Variants in MIB1 observed in about 807,000 individuals in gnomAD.
MIB1 encodes MIB E3 ubiquitin protein ligase 1.
MIB1 carries 278 observed loss-of-function variants against 124.5 expected under a neutral mutation model. The ratio of observed to expected loss-of-function variants is 2.23; its 90% CI spans 2.02 to 2.47. The LOEUF (loss-of-function observed/expected upper bound fraction) is 2.47. Among genes scored for constraint, MIB1 ranks in the 30% most tolerant of loss-of-function variants. MIB1 has a pLI of 0.00. For synonymous variants in MIB1, 446 were observed against 429.4 expected (o/e 1.04, Z -0.48); for missense variants, 957 against 1,254.4 (o/e 0.76, Z 3.58).
intron 1 of MIB1, among the ~76,000 whole-genome samples, chr18:21,732,052 G>A (rs922869507): frequency 5.9e-5 from 9 of 151,720 alleles, no homozygotes; most frequent in Non-Finnish European, 7.4e-5. Flanking sequence ...GGTGGCAGGC[G>A]CGGTGGCTCA....
chr18:21,864,553 CTGAA>C lies in MIB1; in HGVS notation c.2909_2912del (p.Leu970ArgfsTer3). ...AATGTGCCCTGTGTGTCTAGATCGT[CTGAA>C]GAATATGATTTTCCTTTGTGGTCAC... On this transcript the variant is annotated frameshift_variant, in exon 21 of 21. Transcript: ENST00000261537. LOFTEE classifies it high-confidence loss of function. 1 of 1,613,420 alleles carries C rather than the reference CTGAA, an allele frequency of 6.2e-7. No individual in the cohort carries two copies. Among genetic ancestry groups the C allele is most frequent in the Non-Finnish European group, 8.5e-7 (1 of 1,179,428 alleles).
chr18:21,797,279 A>G (rs889961927), intron 7 of MIB1, among the ~76,000 whole-genome samples: 1 of 152,150 alleles, frequency 6.6e-6, no homozygotes, highest in Admixed American at 6.6e-5. Context: ...CAAATGGTTG[A>G]TGGGTACATG....
chr18:21,847,465 C>A (rs2042145012), intron 16 of MIB1, among the ~76,000 whole-genome samples: 2 of 152,066 alleles, frequency 1.3e-5, no homozygotes, highest in Non-Finnish European at 2.9e-5. Flanking sequence ...GTTAATGTTA[C>A]ATGTATTTTA....
chr18:21,830,849 C>T (rs901537882), intron 12 of MIB1: 1 of 152,008 alleles, frequency 6.6e-6, no homozygotes, highest in Non-Finnish European at 1.5e-5. Flanking sequence ...GCTTACTTTT[C>T]CCTCTCCTCC....
In MIB1 at chr18:21,853,036, G is replaced by C; in HGVS notation, c.2587-104G>C. The C allele has an allele frequency of 6.7e-6, 5 of 746,140 alleles. No individual in the cohort carries two copies. The Admixed American group carries it at 1.0e-4, about 15-fold the overall frequency. The allele number at this position is 746,140 out of a possible 1,614,324, so 46.2% of individuals were successfully genotyped here. On this transcript the variant is annotated intron_variant, in intron 17 of 20. Coordinates refer to ENST00000261537, the MANE Select transcript of MIB1 (RefSeq NM_020774.4). ...TGTGTGTTAAATTTCTCTGTGCCTA[G>C]GTGTTTTCTTACAGAGGAAATACAT...
In MIB1 at chr18:21,835,801, C is replaced by A. The variant is rs1020025514; in HGVS notation, c.1830-2564C>A. 2.7e-3 allele frequency among the ~76,000 whole-genome samples: 276 copies of A among 101,580 alleles called. 2 individuals carry two copies. The highest frequency in any genetic ancestry group is 0.01 in the African/African-American group (267 of 25,916). 66.6% of individuals were successfully genotyped at this position (101,580 alleles called of 152,430 possible). Reference sequence around the variant, plus strand: ...AAAAAAAAAATATATATATATATATCCACACACACACACACACACACACAC... The same window carrying A: ...AAAAAAAAAATATATATATATATATACACACACACACACACACACACACAC... On this transcript the variant is annotated intron_variant, in intron 12 of 20. Transcript: ENST00000261537.
At chr18:21,846,907 C>T (rs778367567) in intron 15 of MIB1, 37 bp from the exon 16 acceptor site, 28 of 1,594,166 alleles carry the variant, frequency 1.8e-5, no homozygotes, top group Non-Finnish European at 2.4e-5. Flanking sequence ...ATGGCAGATT[C>T]CTAGAGGGAA....
At chr18:21,772,227 G>A (rs1450808210) in intron 3 of MIB1, among the ~76,000 whole-genome samples, 1 of 152,090 alleles carries the variant, frequency 6.6e-6, no homozygotes, top group Non-Finnish European at 1.5e-5. Flanking sequence ...TAGTTTTTAA[G>A]TGTATACCTT....
chr18:21,834,375 T>C (rs562838011), intron 12 of MIB1, among the ~76,000 whole-genome samples: 19 of 152,262 alleles, frequency 1.2e-4, no homozygotes, highest in African/African-American at 4.6e-4. Context: ...TCAAATAATT[T>C]ATGTAGCACC....
chr18:21,847,191 G>T, intron 16 of MIB1, 66 bp downstream of exon 16: 1 of 1,307,366 alleles, frequency 7.6e-7, no homozygotes. Context: ...GTTTCGTAAT[G>T]GAGGACGTGG....
chr18:21,725,309 A>G (rs1009339684), intron 1 of MIB1, among the ~76,000 whole-genome samples: 7 of 152,096 alleles, frequency 4.6e-5, no homozygotes, highest in African/African-American at 1.7e-4. Context: ...AAAATGTGGA[A>G]GGCAGAAAGG....
chr18:21,714,704 A>G (rs1035982899), intron 1 of MIB1, among the ~76,000 whole-genome samples: 15 of 152,164 alleles, frequency 9.9e-5, no homozygotes, highest in Non-Finnish European at 1.8e-4. Context: ...CTTCCACAAC[A>G]TGCACTCTAG....
chr18:21,791,630 T>C, intron 7 of MIB1, 73 bp downstream of exon 7: 2 of 1,260,418 alleles, frequency 1.6e-6, no homozygotes, highest in Non-Finnish European at 2.2e-6. Context: ...TAAATTAATG[T>C]AGAAATTAAA....
chr18:21,795,296 T>A (rs1568204993), intron 7 of MIB1, among the ~76,000 whole-genome samples: 1 of 132,402 alleles, frequency 7.6e-6, no homozygotes, highest in African/African-American at 3.4e-5. Flanking sequence ...TGTATATATA[T>A]AATATATAAA....
At chr18:21,844,809 G>A (rs910436929) in intron 15 of MIB1, among the ~76,000 whole-genome samples, 1 of 152,126 alleles carries the variant, frequency 6.6e-6, no homozygotes, top group Non-Finnish European at 1.5e-5. Context: ...TTTTCCTAAT[G>A]ACTATTGATA....
In MIB1 at chr18:21,779,685, G is replaced by C. The variant is rs779848628; in HGVS notation, c.908G>C (p.Arg303Thr). The change falls in exon 6 of 21, where the codon AGG (arginine) becomes ACG (threonine). Residue 303 changes from arginine (R) to threonine (T), a missense_variant and splice_region_variant. Physicochemically the swap from Arg to Thr is moderately conservative, Grantham distance 71. Transcript: ENST00000261537. ...GTAGTACAGTATCCAAGTGGCAATA[G>C]GTGGGTGATATCTCTCAATTTTTGA... ...DIVVQYPSGN[R>T]WTFNPAVLTK... 1.2e-6 allele frequency: 2 copies of C among 1,610,464 alleles called. No individual in the cohort carries two copies. Among genetic ancestry groups the C allele is most frequent in the Non-Finnish European group, 1.7e-6 (2 of 1,176,782 alleles).
chr18:21,838,083 G>A (rs1405052615), intron 12 of MIB1, among the ~76,000 whole-genome samples: 2 of 151,934 alleles, frequency 1.3e-5, no homozygotes, highest in Non-Finnish European at 2.9e-5. Context: ...TTCCCAGATA[G>A]TAATAGTGTG....
At chr18:21,749,770 A>G (rs2040953270) in intron 1 of MIB1, among the ~76,000 whole-genome samples, 1 of 150,282 alleles carries the variant, frequency 6.7e-6, no homozygotes, top group African/African-American at 2.5e-5. Context: ...CCTCCCAAGT[A>G]GCTGAGATTA....
intron 1 of MIB1, among the ~76,000 whole-genome samples, chr18:21,705,743 C>T (rs937418725): frequency 6.6e-6 from 1 of 152,104 alleles, no homozygotes; most frequent in African/African-American, 2.4e-5. Flanking sequence ...TATTTGGCTC[C>T]GATTTGGTCA....
Sources: allele counts gnomAD v4.1 joint callset (sites outside exome capture counted in the v4.1 genomes callset), GRCh38; gene constraint gnomAD v4.1.1; transcripts MANE v1.5; gene names NCBI Gene and HGNC (gene_info 2026-07-23, HGNC 2026-07-21).